Variants in MYO16 observed in about 807,000 individuals in gnomAD.
MYO16 encodes the protein unconventional myosin-XVI.
MYO16 carries 94 observed loss-of-function variants against 205.3 expected under a neutral mutation model. That is an observed-to-expected ratio of 0.46 (90% CI 0.39 to 0.54). The LOEUF (loss-of-function observed/expected upper bound fraction) is 0.54. MYO16 is among the 20% of genes least tolerant of loss of function. The pLI, the probability that MYO16 is intolerant of heterozygous loss-of-function variation, is 0.00. For missense variants in MYO16, 2,315 were observed against 2,387.5 expected (o/e 0.97, Z 0.63); for synonymous variants, 988 against 954.0 (o/e 1.04, Z -0.66).
At chr13:109,142,500 G>A (rs544847693) in intron 32 of MYO16, among the ~76,000 whole-genome samples, 35 of 152,136 alleles carry the variant, frequency 2.3e-4, no homozygotes, top group Non-Finnish European at 1.5e-4. Context: ...AATTTTCCAT[G>A]CCTAAGTAAC....
intron 1 of MYO16, among the ~76,000 whole-genome samples, chr13:108,621,634 C>A (rs576032182): frequency 6.6e-6 from 1 of 152,222 alleles, no homozygotes; most frequent in African/African-American, 2.4e-5. Flanking sequence ...ATTGTCGTGG[C>A]TCAGTGATCC....
At position 108,806,690 on chromosome 13, in the gene MYO16, G is replaced by A. The variant is rs537076680; in HGVS notation, c.753G>A (p.Ala251=). The A allele has an allele frequency of 4.1e-5, 66 of 1,612,858 alleles. No homozygotes were observed. Among genetic ancestry groups the A allele is most frequent in the South Asian group, 6.6e-5 (6 of 91,024 alleles). Residue 251 remains alanine, a synonymous_variant, in exon 7 of 35, where the codon GCG becomes GCA. Coordinates refer to ENST00000457511, the MANE Select transcript of MYO16 (RefSeq NM_001198950.3). ...TCTCTTCGCTGCAGTTACACATGGC[G>A]TGTGCGAGTGGCTACAAGGAGGTGG... The part of the protein sequence containing the change: ...NDEGVTLLHM[A]CASGYKEVVS...
the MYO16 span, among the ~76,000 whole-genome samples, chr13:108,503,700 G>A: frequency 3.9e-5 from 6 of 152,080 alleles, no homozygotes; most frequent in African/African-American, 1.4e-4. Flanking sequence ...CATCCTCAAT[G>A]ATATGAGGTG....
intron 2 of MYO16, among the ~76,000 whole-genome samples, chr13:108,688,263 A>G (rs1481021806): frequency 1.3e-5 from 2 of 152,194 alleles, no homozygotes; most frequent in Non-Finnish European, 2.9e-5. Context: ...GCAAGGAAAC[A>G]GATTTACACA....
intron 4 of MYO16, among the ~76,000 whole-genome samples, chr13:108,733,830 A>G (rs539204329): frequency 4.3e-4 from 66 of 152,250 alleles, no homozygotes; most frequent in South Asian, 2.1e-3. Flanking sequence ...TTAGCTGGGC[A>G]TGGTGGCAGG....
chr13:109,072,527 C>T (rs1158041575), intron 27 of MYO16, among the ~76,000 whole-genome samples: 1 of 151,824 alleles, frequency 6.6e-6, no homozygotes, highest in African/African-American at 2.4e-5. Context: ...CCAGGGAATC[C>T]TCTTTTTCTT....
At chr13:108,802,225 C>A (rs956533117) in intron 6 of MYO16, among the ~76,000 whole-genome samples, 4 of 152,224 alleles carry the variant, frequency 2.6e-5, no homozygotes, top group South Asian at 4.2e-4. Context: ...ACCCTTCGAC[C>A]AACAACTCTT....
At chr13:109,062,009 C>T (rs1303111422) in intron 27 of MYO16, among the ~76,000 whole-genome samples, 7 of 152,024 alleles carry the variant, frequency 4.6e-5, no homozygotes, top group African/African-American at 1.4e-4. Flanking sequence ...TTGTTAGCTA[C>T]GTGAATATTT....
chr13:108,733,899 G>A (rs1271368204), intron 4 of MYO16, among the ~76,000 whole-genome samples: 2 of 152,328 alleles, frequency 1.3e-5, no homozygotes, highest in South Asian at 2.1e-4. Flanking sequence ...AACATGGGAG[G>A]CGGAGCCTGC....
intron 16 of MYO16, among the ~76,000 whole-genome samples, chr13:108,935,525 C>A (rs985632556): frequency 2.6e-5 from 4 of 152,130 alleles, no homozygotes; most frequent in African/African-American, 9.7e-5. Flanking sequence ...TTGGTGGAGT[C>A]TTCAGGGTTT....
chr13:108,581,060 T>G, the MYO16 span, among the ~76,000 whole-genome samples: 1 of 152,202 alleles, frequency 6.6e-6, no homozygotes, highest in African/African-American at 2.4e-5. Context: ...TTAATTACAT[T>G]AACTTCAAAT....
intron 23 of MYO16, among the ~76,000 whole-genome samples, chr13:109,033,045 G>A (rs992797971): frequency 3.3e-5 from 5 of 152,238 alleles, no homozygotes; most frequent in African/African-American, 1.2e-4. Flanking sequence ...GTATTTATAA[G>A]AGAACTAAGT....
At chr13:108,793,399 G>C (rs944168040) in intron 5 of MYO16, 117 bp from the exon 6 acceptor site, 1 of 928,714 alleles carries the variant, frequency 1.1e-6, no homozygotes, top group South Asian at 2.0e-5. Flanking sequence ...TGTTCAAAGT[G>C]GAAGAGAAGC....
At chr13:108,606,023 C>G (rs964636437) in intron 1 of MYO16, among the ~76,000 whole-genome samples, 1 of 152,294 alleles carries the variant, frequency 6.6e-6, no homozygotes, top group South Asian at 2.1e-4. Flanking sequence ...GCAAAGGTCA[C>G]TCTTGCTATG....
At chr13:108,612,564 A>G (rs1178681777) in intron 1 of MYO16, among the ~76,000 whole-genome samples, 2 of 152,164 alleles carry the variant, frequency 1.3e-5, no homozygotes, top group African/African-American at 2.4e-5. Context: ...GTCAAACAAG[A>G]CATGGTCCTT....
At chr13:108,835,480 C>T (rs962235398) in intron 9 of MYO16, among the ~76,000 whole-genome samples, 2 of 152,138 alleles carry the variant, frequency 1.3e-5, no homozygotes, top group Non-Finnish European at 2.9e-5. Context: ...CAGACTAATA[C>T]AGTAAATATG....
intron 7 of MYO16, among the ~76,000 whole-genome samples, chr13:108,810,250 A>G (rs147498289): frequency 4.7e-4 from 72 of 152,266 alleles, no homozygotes; most frequent in Middle Eastern, 6.8e-3. Flanking sequence ...CATTAAGCCT[A>G]CTCAAGTAGT....
At chr13:108,959,219 TTTTCTCCTTTA>T (rs1159696909) in intron 17 of MYO16, among the ~76,000 whole-genome samples, 6 of 3,544 alleles carry the variant, frequency 1.7e-3, no homozygotes, top group Non-Finnish European at 4.2e-3. Context: ...CGGCCTCTGT[TTTTCTCCTTTA>T]GTTTTTCTCC....
intron 21 of MYO16, among the ~76,000 whole-genome samples, chr13:108,996,417 A>G (rs1428364856): frequency 2.0e-5 from 3 of 152,244 alleles, no homozygotes; most frequent in Non-Finnish European, 4.4e-5. Flanking sequence ...TAAATTATGT[A>G]TAAAAGCTAT....
Sources: gnomAD v4.1 joint callset for allele counts (sites outside exome capture counted in the v4.1 genomes callset) on GRCh38, gnomAD v4.1.1 for gene constraint, MANE v1.5 for transcripts, NCBI Gene and HGNC (gene_info 2026-07-23, HGNC 2026-07-21) for gene names.